Variants in CHD2 observed in about 807,000 individuals in gnomAD.
CHD2 encodes ATP-dependent chromatin remodeler CHD2.
CHD2 carries 28 observed loss-of-function variants against 243.9 expected under a neutral mutation model. The ratio of observed to expected loss-of-function variants is 0.11; its 90% confidence interval spans 0.09 to 0.16. The LOEUF is 0.16. Among genes scored for constraint, CHD2 ranks in the 10% least tolerant of loss-of-function variants. The pLI, the probability that CHD2 is intolerant of heterozygous loss-of-function variation, is 1.00. For synonymous variants in CHD2, 775 were observed against 779.0 expected, an observed-to-expected ratio of 0.99 and a Z score of 0.09; for missense variants, 1,386 against 2,209.8, an observed-to-expected ratio of 0.63 and a Z score of 7.47.
At chr15:93,002,141 T>A (rs1295776253) in intron 32 of CHD2, 36 bp from the exon 33 acceptor site, 1 of 1,569,226 alleles carries the variant, frequency 6.4e-7, no homozygotes, top group South Asian at 1.2e-5. Flanking sequence ...ATATAAAATT[T>A]GTAGCAAAAA....
At chr15:93,004,144 T>G (rs1458030559) in intron 33 of CHD2, among the ~76,000 whole-genome samples, 1 of 144,614 alleles carries the variant, frequency 6.9e-6, no homozygotes, top group Non-Finnish European at 1.5e-5. Flanking sequence ...AAAAAAAAAG[T>G]ACCTGAAGTC....
intron 38 of CHD2, chr15:93,022,058 C>T (rs2054540569): frequency 6.6e-6 from 1 of 152,172 alleles, no homozygotes; most frequent in Admixed American, 6.5e-5. Context: ...AATGATTGCC[C>T]ACCCCCAAGG....
chr15:92,999,270 C>G (rs1021399037), intron 31 of CHD2, among the ~76,000 whole-genome samples: 5 of 152,132 alleles, frequency 3.3e-5, no homozygotes, highest in Non-Finnish European at 7.3e-5. Context: ...AACATAGTTG[C>G]AGTTACTGCA....
At chr15:92,969,516 T>C (rs1314999198) in intron 17 of CHD2, among the ~76,000 whole-genome samples, 3 of 152,224 alleles carry the variant, frequency 2.0e-5, no homozygotes, top group Admixed American at 6.5e-5. Flanking sequence ...AAGACTGGCC[T>C]CTTTCTGATG....
At position 92,993,813 on chromosome 15, in the gene CHD2, G is replaced by A. The variant is rs140972241; in HGVS notation, c.3595+815G>A. 5.5e-4 allele frequency among the ~76,000 whole-genome samples: 83 copies of A among 152,106 alleles called. 1 individual carries two copies. In the East Asian group the frequency reaches 0.015, roughly 27 times the overall value. On this transcript the variant is annotated intron_variant, in intron 28 of 38. Transcript: ENST00000394196. ...GTTTAAAAATTAGCCGAAAGTAGTA[G>A]GATGCACACCTGTAATCCCAGCTAC...
chr15:93,024,208 C>A (rs151204390), intron 38 of CHD2, among the ~76,000 whole-genome samples, 164 bp from the exon 39 acceptor site: 1 of 152,104 alleles, frequency 6.6e-6, no homozygotes, highest in Non-Finnish European at 1.5e-5. Flanking sequence ...ATGTATTTTG[C>A]TAATAAGTGT....
rs2054519434 is a variant in CHD2 at position 93,020,376 on chromosome 15, ATG to A, written c.5153+122_5153+123del. The A allele has an allele frequency of 5.4e-6, 7 of 1,291,206 alleles. No individual in the cohort carries two copies. In the Admixed American group the frequency reaches 1.3e-4, roughly 25 times the overall value. The allele number at this position is 1,291,206 out of a possible 1,614,324, so 80.0% of individuals were successfully genotyped here. A position where few individuals can be genotyped will look rare whatever the true frequency, so the allele number is the denominator to read the frequency against. ...CAAATTACTGAAGATCTCATCATGC[ATG>A]TGTCAGCCACAGCGAATCCCATGTC... On this transcript the variant is annotated intron_variant, in intron 38 of 38. Transcript: ENST00000394196.
chr15:92,994,002 G>A (rs1358293175), intron 28 of CHD2, among the ~76,000 whole-genome samples: 1 of 152,092 alleles, frequency 6.6e-6, no homozygotes, highest in Non-Finnish European at 1.5e-5. Flanking sequence ...AAAAAATAAA[G>A]AAATGAAGTT....
intron 20 of CHD2, among the ~76,000 whole-genome samples, chr15:92,975,431 A>G (rs942581724): frequency 1.3e-5 from 2 of 152,214 alleles, no homozygotes; most frequent in Non-Finnish European, 2.9e-5. Context: ...ATTATGAAGT[A>G]TTTTGTTTGG....
At chr15:93,008,956 G>A (rs2054356772) in intron 34 of CHD2, among the ~76,000 whole-genome samples, 189 bp from the exon 35 acceptor site, 1 of 152,140 alleles carries the variant, frequency 6.6e-6, no homozygotes, top group South Asian at 2.1e-4. Flanking sequence ...CGATGGTGCT[G>A]GCACTGCACT....
intron 28 of CHD2, among the ~76,000 whole-genome samples, chr15:92,995,695 T>C (rs1443608737): frequency 6.6e-6 from 1 of 152,218 alleles, no homozygotes; most frequent in Non-Finnish European, 1.5e-5. Flanking sequence ...TTTGTTATTA[T>C]AAAGAAAGTC....
chr15:93,012,338 T>A lies in CHD2; in HGVS notation c.4593-7T>A. ...AATTCACCAGAACTGTTCATTTTTC[T>A]TTTTAGGAACCTATGGATTTTTGTT... On this transcript the variant is annotated splice_region_variant and splice_polypyrimidine_tract_variant and intron_variant, in intron 35 of 38. Coordinates refer to ENST00000394196, the MANE Select transcript of CHD2 (RefSeq NM_001271.4). 1.3e-6 allele frequency: 2 copies of A among 1,590,222 alleles called. No homozygotes were observed. Among genetic ancestry groups the A allele is most frequent in the Middle Eastern group, 3.4e-4 (2 of 5,810 alleles).
chr15:92,995,622 A>G (rs2054177672), intron 28 of CHD2, among the ~76,000 whole-genome samples: 1 of 152,162 alleles, frequency 6.6e-6, no homozygotes, highest in East Asian at 1.9e-4. Context: ...GTATTCTACC[A>G]TGTAGATAGA....
Position 92,971,886 on chromosome 15 carries a change from C to G in CHD2, c.2311C>G (p.Pro771Ala). 6.2e-7 allele frequency: 1 copy of G among 1,612,326 alleles called. No individual in the cohort carries two copies. The highest frequency in any genetic ancestry group is 8.5e-7 in the Non-Finnish European group (1 of 1,179,332). The change falls in exon 18 of 39, where the codon CCT becomes GCT. Residue 771 changes from proline (P) to alanine (A), a missense_variant. Around this residue, in one of 19 missense-constraint regions of CHD2, gnomAD observed 118 missense variants for 266.3 expected, o/e 0.44. Transcript: ENST00000394196. ...CAACCACTGCTATCTGATTAAACCC[C>G]CTGAAGAAAATGAAAGGGAAAATGG... is the stretch of plus-strand genomic sequence containing the variant. ...CCNHCYLIKP[P>A]EENERENGQE...
intron 13 of CHD2, among the ~76,000 whole-genome samples, chr15:92,952,977 G>C (rs1251480140): frequency 6.6e-6 from 1 of 152,238 alleles, no homozygotes; most frequent in African/African-American, 2.4e-5. Flanking sequence ...GGATTCACCA[G>C]CGGTGCTGAT....
Position 93,002,266 on chromosome 15 carries a change from A to G in CHD2, c.4227A>G (p.Lys1409=), listed in dbSNP as rs917584577. 23 of 1,602,402 alleles carry G rather than the reference A, an allele frequency of 1.4e-5. No homozygotes were observed. Among genetic ancestry groups the G allele is most frequent in the Non-Finnish European group, 1.9e-5 (22 of 1,174,558 alleles). ...AGGAGAAACAAATGAGTTCTAGGAAAGACAAAGAAGGGGACAAGGAAAGAA... is the reference window on the plus strand; with the variant it reads ...AGGAGAAACAAATGAGTTCTAGGAAGGACAAAGAAGGGGACAAGGAAAGAA... ...ENKEKQMSSR[K]DKEGDKERKK... is the part of the protein sequence containing the mutation. The change falls in exon 33 of 39, where the codon AAA becomes AAG. Residue 1409 remains lysine, a synonymous_variant. Coordinates refer to ENST00000394196, the MANE Select transcript of CHD2 (RefSeq NM_001271.4).
At chr15:92,905,161 T>C (rs1248294987) in intron 2 of CHD2, among the ~76,000 whole-genome samples, 3 of 152,248 alleles carry the variant, frequency 2.0e-5, no homozygotes, top group Admixed American at 1.3e-4. Context: ...ACTACTCTTT[T>C]AAGTGTTAAT....
chr15:92,953,877 TG>T (rs568669919), intron 14 of CHD2: 243 of 301,166 alleles, frequency 8.1e-4, no homozygotes, highest in African/African-American at 4.8e-3. Flanking sequence ...TGAGATAATA[TG>T]GAGTTAATAC....
chr15:93,002,071 G>C, intron 32 of CHD2, 106 bp from the exon 33 acceptor site: 3 of 1,437,600 alleles, frequency 2.1e-6, no homozygotes, highest in Non-Finnish European at 2.8e-6. Flanking sequence ...AAGCTTCTAA[G>C]TATAGACAGT....
Sources: allele counts gnomAD v4.1 joint callset (sites outside exome capture counted in the v4.1 genomes callset), GRCh38; gene constraint gnomAD v4.1.1; regional missense constraint gnomAD v4.1.1; transcripts MANE v1.5; gene names NCBI Gene and HGNC (gene_info 2026-07-23, HGNC 2026-07-21).